The following RBFOX1 variants were observed in gnomAD, a reference collection of about 807,000 sequenced individuals.
The protein encoded by RBFOX1 is RNA binding protein fox-1 homolog 1.
RBFOX1 carries 8 observed loss-of-function variants against 57.7 expected under a neutral mutation model. That is an observed-to-expected ratio of 0.14 (90% CI 0.08 to 0.25). RBFOX1 has a LOEUF of 0.25. Among genes scored for constraint, RBFOX1 ranks in the 10% least tolerant of loss-of-function variants. RBFOX1 has a pLI of 1.00. For synonymous variants in RBFOX1, 326 were observed against 222.4 expected, an observed-to-expected ratio of 1.47 and a Z score of -4.15; for missense variants, 611 against 548.5, an observed-to-expected ratio of 1.11 and a Z score of -1.14.
At chr16:6,344,407 C>CTTTTTT (rs60637926) in intron 2 of RBFOX1, among the ~76,000 whole-genome samples, 6 of 109,842 alleles carry the variant, frequency 5.5e-5, no homozygotes, top group African/African-American at 1.3e-4. Flanking sequence ...TCTTTTTTTT[C>CTTTTTT]TTTTTTTTTT....
intron 4 of RBFOX1, among the ~76,000 whole-genome samples, chr16:7,225,919 T>TATATATATATATATATATA (rs1315130232): frequency 1.4e-5 from 2 of 142,140 alleles, no homozygotes; most frequent in African/African-American, 2.7e-5. Context: ...TATATATATA[T>TATATATATATATATATATA]AAATGTGAAT....
chr16:5,881,577 G>C (rs1389826262), intron 4 of RBFOX1, among the ~76,000 whole-genome samples: 1 of 152,158 alleles, frequency 6.6e-6, no homozygotes, highest in Non-Finnish European at 1.5e-5. Flanking sequence ...CTACTTGGGA[G>C]GCTGAGGTGG....
chr16:6,587,590 G>C (rs926214631), intron 2 of RBFOX1, among the ~76,000 whole-genome samples: 5 of 152,028 alleles, frequency 3.3e-5, no homozygotes, highest in African/African-American at 1.2e-4. Context: ...CTGTGTGCTT[G>C]GCTTCCTTTA....
intron 2 of RBFOX1, among the ~76,000 whole-genome samples, chr16:5,563,808 A>G (rs2045970001): frequency 1.3e-5 from 2 of 152,172 alleles, no homozygotes; most frequent in South Asian, 2.1e-4. Flanking sequence ...CCCCCAAAGT[A>G]ACCTTGTACC....
At chr16:7,003,733 T>C (rs544072568) in intron 3 of RBFOX1, among the ~76,000 whole-genome samples, 1 of 152,094 alleles carries the variant, frequency 6.6e-6, no homozygotes, top group African/African-American at 2.4e-5. Flanking sequence ...TAAGTTAGTA[T>C]GTATTAGAAA....
intron 3 of RBFOX1, among the ~76,000 whole-genome samples, chr16:6,867,557 A>G (rs1461607240): frequency 6.6e-6 from 1 of 152,060 alleles, no homozygotes; most frequent in Non-Finnish European, 1.5e-5. Flanking sequence ...CATCTCTACT[A>G]AAAATACAAA....
Position 7,493,623 on chromosome 16 carries a change from C to G in RBFOX1, c.28-24524C>G, listed in dbSNP as rs117569015. Among the ~76,000 whole-genome samples, 865 of 152,258 alleles carry G rather than the reference C, an allele frequency of 5.7e-3. 4 individuals carry two copies. Among genetic ancestry groups the G allele is most frequent in the Admixed American group, 9.3e-3 (143 of 15,296 alleles). Reference sequence around the variant, plus strand: ...GAAAATGTAATAACAGAATCAGAAACTGGAGTAATGCATTTTGAAGTTGGA... The same window carrying G: ...GAAAATGTAATAACAGAATCAGAAAGTGGAGTAATGCATTTTGAAGTTGGA... On this transcript the variant is annotated intron_variant, in intron 4 of 15. Coordinates refer to ENST00000550418, the MANE Select transcript of RBFOX1 (RefSeq NM_018723.4).
intron 4 of RBFOX1, among the ~76,000 whole-genome samples, chr16:7,277,197 A>T (rs1248197288): frequency 6.6e-6 from 1 of 151,928 alleles, no homozygotes; most frequent in African/African-American, 2.4e-5. Flanking sequence ...TTATTTAATG[A>T]TTTTTTTTCA....
chr16:6,308,739 C>G (rs2152757521), intron 1 of RBFOX1, among the ~76,000 whole-genome samples: 1 of 152,232 alleles, frequency 6.6e-6, no homozygotes, highest in East Asian at 1.9e-4. Flanking sequence ...GGCTATTCGA[C>G]CAGGTATCAG....
At chr16:5,815,921 G>A (rs1215624055) in intron 3 of RBFOX1, among the ~76,000 whole-genome samples, 1 of 152,158 alleles carries the variant, frequency 6.6e-6, no homozygotes, top group East Asian at 1.9e-4. Flanking sequence ...CGGGTGGTGT[G>A]GATTTTGCAT....
intron 3 of RBFOX1, among the ~76,000 whole-genome samples, chr16:7,000,505 A>C (rs1054495078): frequency 1.3e-5 from 2 of 151,948 alleles, no homozygotes; most frequent in African/African-American, 4.8e-5. Flanking sequence ...CTGGTGGTTA[A>C]ATTCAGAAGT....
chr16:5,590,235 G>A (rs1257352536), intron 2 of RBFOX1, among the ~76,000 whole-genome samples: 1 of 152,136 alleles, frequency 6.6e-6, no homozygotes, highest in African/African-American at 2.4e-5. Flanking sequence ...TGCTGGAAGT[G>A]GTAGTGTTCC....
At chr16:5,324,185 G>A (rs928581492) in intron 1 of RBFOX1, among the ~76,000 whole-genome samples, 2 of 152,160 alleles carry the variant, frequency 1.3e-5, no homozygotes, top group African/African-American at 4.8e-5. Flanking sequence ...GAATTCTGCT[G>A]GGTGCTGTGG....
chr16:6,705,873 C>G (rs758366395), intron 3 of RBFOX1, among the ~76,000 whole-genome samples: 4 of 152,104 alleles, frequency 2.6e-5, no homozygotes, highest in African/African-American at 4.8e-5. Context: ...CAAACATTAG[C>G]TGGGCATGGT....
At chr16:7,297,566 C>G (rs1320450050) in intron 4 of RBFOX1, among the ~76,000 whole-genome samples, 1 of 151,956 alleles carries the variant, frequency 6.6e-6, no homozygotes, top group African/African-American at 2.4e-5. Context: ...TGTTAATTAT[C>G]TAGAATATTG....
At chr16:5,327,691 C>T (rs987744707) in intron 1 of RBFOX1, among the ~76,000 whole-genome samples, 3 of 152,292 alleles carry the variant, frequency 2.0e-5, no homozygotes, top group African/African-American at 7.2e-5. Flanking sequence ...AGCAGCATCC[C>T]CCTCCCCGAT....
chr16:7,060,781 T>A (rs1408457146), intron 4 of RBFOX1, among the ~76,000 whole-genome samples: 1 of 152,152 alleles, frequency 6.6e-6, no homozygotes, highest in Non-Finnish European at 1.5e-5. Context: ...GTTCCAGAAT[T>A]CTCCCCTCAC....
intron 1 of RBFOX1, among the ~76,000 whole-genome samples, chr16:5,421,877 C>T (rs1177582271): frequency 6.6e-6 from 1 of 152,112 alleles, no homozygotes; most frequent in Non-Finnish European, 1.5e-5. Flanking sequence ...AAGGCATGCT[C>T]GTGGTTAGGG....
At chr16:7,222,052 C>T (rs1042888932) in intron 4 of RBFOX1, among the ~76,000 whole-genome samples, 2 of 152,184 alleles carry the variant, frequency 1.3e-5, no homozygotes, top group African/African-American at 4.8e-5. Context: ...TCCGTGAAGA[C>T]ACAAAGCTAA....
Sources: allele counts gnomAD v4.1 joint callset (sites outside exome capture counted in the v4.1 genomes callset), GRCh38; gene constraint gnomAD v4.1.1; transcripts MANE v1.5; gene names NCBI Gene and HGNC (gene_info 2026-07-23, HGNC 2026-07-21).